The following MALRD1 variants were observed in gnomAD, a reference collection of about 807,000 sequenced individuals.
The protein encoded by MALRD1 is MAM and LDL receptor class A domain containing 1.
A neutral mutation model predicts 242.1 loss-of-function variants in MALRD1; 247 were observed. The ratio of observed to expected loss-of-function variants is 1.02; its 90% CI spans 0.92 to 1.13. The LOEUF (loss-of-function observed/expected upper bound fraction) is 1.13. MALRD1 is among the 50% of genes most tolerant of loss of function. The pLI is 0.00. For missense variants in MALRD1, 2,989 were observed against 2,533.1 expected (o/e 1.18, Z -3.86); for synonymous variants, 995 against 866.6 (o/e 1.15, Z -2.60).
chr10:19,316,646 C>T (rs1842718446), intron 21 of MALRD1, among the ~76,000 whole-genome samples: 1 of 151,708 alleles, frequency 6.6e-6, no homozygotes, highest in Non-Finnish European at 1.5e-5. Flanking sequence ...GAATGATCTG[C>T]TGCAGATACC....
At chr10:19,185,625 T>A (rs1835704573) in intron 14 of MALRD1, among the ~76,000 whole-genome samples, 2 of 152,200 alleles carry the variant, frequency 1.3e-5, no homozygotes, top group African/African-American at 4.8e-5. Context: ...ACAGCAGAGA[T>A]GCATAATAGA....
At chr10:19,454,371 T>G (rs1835505106) in intron 29 of MALRD1, among the ~76,000 whole-genome samples, 1 of 136,374 alleles carries the variant, frequency 7.3e-6, no homozygotes, top group Non-Finnish European at 1.5e-5. Flanking sequence ...GAATTGGTTG[T>G]GAGTAGAAAT....
chr10:19,373,283 A>ACC (rs1845468629), intron 26 of MALRD1, among the ~76,000 whole-genome samples: 1 of 139,956 alleles, frequency 7.1e-6, no homozygotes, highest in African/African-American at 2.7e-5. Flanking sequence ...CGGACGGATC[A>ACC]CGAGGTCAGG....
chr10:19,461,424 C>T (rs767226970), intron 29 of MALRD1, among the ~76,000 whole-genome samples: 1 of 152,140 alleles, frequency 6.6e-6, no homozygotes, highest in Non-Finnish European at 1.5e-5. Context: ...TCTTGGAAAT[C>T]TCTATGTTAA....
chr10:19,164,034 G>A (rs1321528898), intron 12 of MALRD1, among the ~76,000 whole-genome samples: 1 of 152,136 alleles, frequency 6.6e-6, no homozygotes, highest in Non-Finnish European at 1.5e-5. Context: ...ACTTACAGCA[G>A]GGATCTAAAA....
chr10:19,125,380 TC>T (rs1484967397), intron 7 of MALRD1, among the ~76,000 whole-genome samples: 107 of 85,746 alleles, frequency 1.2e-3, no homozygotes, highest in Non-Finnish European at 1.7e-3. Flanking sequence ...TTTCTTTCTT[TC>T]CTTCCTTCCT....
At chr10:19,693,119 T>G (rs566055676) in intron 38 of MALRD1, among the ~76,000 whole-genome samples, 1 of 151,862 alleles carries the variant, frequency 6.6e-6, no homozygotes, top group African/African-American at 2.4e-5. Context: ...GCCAATATCA[T>G]ACTGAATGGG....
chr10:19,413,674 C>G (rs1276442154), intron 28 of MALRD1, among the ~76,000 whole-genome samples: 4 of 152,112 alleles, frequency 2.6e-5, no homozygotes, highest in East Asian at 3.9e-4. Flanking sequence ...TGCCACATAG[C>G]CAGTGAGGTT....
In MALRD1 at chr10:19,283,031, G is replaced by T. The variant is rs1386520054; in HGVS notation, c.3269G>T (p.Cys1090Phe). ...TACCCCATCCAAGTTATGGAAGTTT[G>T]CAGCTTTGAGAAAAGAAGCCTGTGT... ...SDEASCVMEV[C>F]SFEKRSLCKW... is the part of the protein sequence containing the mutation. Residue 1090 changes from cysteine (C) to phenylalanine (F), a missense_variant, in exon 21 of 40, where the codon TGC (cysteine) becomes TTC (phenylalanine). Coordinates refer to ENST00000454679, the MANE Select transcript of MALRD1 (RefSeq NM_001142308.3). The T allele has an allele frequency of 1.3e-6, 2 of 1,544,632 alleles. No individual in the cohort carries two copies. The highest frequency in any genetic ancestry group is 4.9e-5 in the East Asian group (2 of 40,618).
intron 32 of MALRD1, among the ~76,000 whole-genome samples, chr10:19,539,567 A>G (rs974779720): frequency 6.6e-6 from 1 of 152,174 alleles, no homozygotes; most frequent in African/African-American, 2.4e-5. Flanking sequence ...AAATAGTTAG[A>G]TGTGTCCCCA....
intron 10 of MALRD1, among the ~76,000 whole-genome samples, chr10:19,140,725 T>C (rs1042570061): frequency 6.6e-6 from 1 of 152,084 alleles, no homozygotes; most frequent in Non-Finnish European, 1.5e-5. Context: ...CACTTATACA[T>C]GGAATCTAAA....
intron 39 of MALRD1, 75 bp from the exon 40 acceptor site, chr10:19,734,081 TC>T: frequency 8.6e-7 from 1 of 1,163,364 alleles, no homozygotes; most frequent in South Asian, 1.4e-5. Context: ...TTTGCTGCAT[TC>T]TGCGTGATCT....
At chr10:19,675,984 A>G (rs7916152) in intron 36 of MALRD1, among the ~76,000 whole-genome samples, 95,325 of 152,046 alleles carry the variant, frequency 0.63, 30,578 homozygotes, top group African/African-American at 0.78. Flanking sequence ...TATCCTTAAA[A>G]GTAAAGATGA....
intron 10 of MALRD1, among the ~76,000 whole-genome samples, chr10:19,143,374 A>G (rs984717799): frequency 1.3e-5 from 2 of 152,186 alleles, no homozygotes; most frequent in Non-Finnish European, 2.9e-5. Flanking sequence ...TCTCATTGCC[A>G]TTTCACACCA....
intron 20 of MALRD1, among the ~76,000 whole-genome samples, chr10:19,281,287 C>T (rs1840796656): frequency 6.6e-6 from 1 of 152,088 alleles, no homozygotes. Context: ...CAGACTTGCT[C>T]ATCGGAAGGC....
chr10:19,456,921 C>G (rs757862492), intron 29 of MALRD1, among the ~76,000 whole-genome samples: 2 of 151,956 alleles, frequency 1.3e-5, no homozygotes, highest in Non-Finnish European at 2.9e-5. Flanking sequence ...TACAGGCATG[C>G]ACCACCATGC....
chr10:19,581,538 AG>A (rs1837125306), intron 33 of MALRD1, among the ~76,000 whole-genome samples: 1 of 151,160 alleles, frequency 6.6e-6, no homozygotes, highest in African/African-American at 2.4e-5. Flanking sequence ...GTCCCTACAA[AG>A]GACATGAACT....
At chr10:19,577,695 C>T (rs192411035) in intron 33 of MALRD1, among the ~76,000 whole-genome samples, 195 of 152,078 alleles carry the variant, frequency 1.3e-3, no homozygotes, top group African/African-American at 4.4e-3. Flanking sequence ...AAGCCTTTTA[C>T]GTGAATGATG....
intron 26 of MALRD1, among the ~76,000 whole-genome samples, chr10:19,352,846 A>G (rs753140620): frequency 7.2e-5 from 11 of 152,172 alleles, no homozygotes; most frequent in Non-Finnish European, 1.6e-4. Context: ...GATGTTCAGT[A>G]TAATTCCTAC....
Sources: gnomAD v4.1 joint callset for allele counts (sites outside exome capture counted in the v4.1 genomes callset) on GRCh38, gnomAD v4.1.1 for gene constraint, MANE v1.5 for transcripts, NCBI Gene and HGNC (gene_info 2026-07-23, HGNC 2026-07-21) for gene names.